The following GAS7 variants were observed in gnomAD, a reference collection of about 807,000 sequenced individuals.
GAS7 encodes the protein growth arrest specific 7.
GAS7 carries 28 observed loss-of-function variants against 71.1 expected under a neutral mutation model. That is an observed-to-expected ratio of 0.39 (90% CI 0.29 to 0.54). The LOEUF is 0.54. GAS7 is among the 20% of genes least tolerant of loss of function. The pLI, the probability that GAS7 is intolerant of heterozygous loss-of-function variation, is 0.62. For synonymous variants in GAS7, 258 were observed against 245.8 expected (o/e 1.05, Z -0.46); for missense variants, 436 against 627.8 (o/e 0.69, Z 3.27).
chr17:10,195,872 C>T (rs570103257), intron 1 of GAS7, among the ~76,000 whole-genome samples: 1 of 152,232 alleles, frequency 6.6e-6, no homozygotes, highest in South Asian at 2.1e-4. Flanking sequence ...ATGCCAAGCA[C>T]CTGACCCACA....
chr17:10,089,215 T>C (rs1171343450), intron 1 of GAS7, among the ~76,000 whole-genome samples: 1 of 151,990 alleles, frequency 6.6e-6, no homozygotes, highest in African/African-American at 2.4e-5. Flanking sequence ...AAAGTTCCCA[T>C]GCACTGTCTT....
intron 1 of GAS7, among the ~76,000 whole-genome samples, chr17:10,084,273 T>C (rs572754187): frequency 6.6e-6 from 1 of 152,154 alleles, no homozygotes; most frequent in Non-Finnish European, 1.5e-5. Flanking sequence ...ACTAAGGTGG[T>C]TTACAATGTT....
At chr17:10,122,042 A>G (rs989249940) in intron 1 of GAS7, among the ~76,000 whole-genome samples, 1 of 152,076 alleles carries the variant, frequency 6.6e-6, no homozygotes, top group Non-Finnish European at 1.5e-5. Flanking sequence ...CAACTTCCAC[A>G]CTCAAACGGC....
chr17:10,143,487 A>G (rs1309725251), intron 1 of GAS7, among the ~76,000 whole-genome samples: 1 of 151,666 alleles, frequency 6.6e-6, no homozygotes, highest in African/African-American at 2.4e-5. Context: ...GGTTGCAGTG[A>G]GCCGAGATCA....
rs543286687 is a variant in GAS7, at chr17:10,130,751, C to G, written c.183+67457G>C. Among the ~76,000 whole-genome samples the G allele has an allele frequency of 6.6e-5, 10 of 152,322 alleles. No homozygotes were observed. In the East Asian group the frequency reaches 1.9e-3, roughly 29 times the overall value. ...TCTGCTAAGTGAAACAAGCCAGACA[C>G]AAAAGGCTGCATATTATATTGTTCT... On this transcript the variant is annotated intron_variant, in intron 1 of 13. Coordinates refer to ENST00000432992, the MANE Select transcript of GAS7 (RefSeq NM_201433.2).
intron 1 of GAS7, among the ~76,000 whole-genome samples, chr17:10,196,358 G>C (rs922284274): frequency 4.6e-5 from 7 of 152,180 alleles, no homozygotes; most frequent in Non-Finnish European, 5.9e-5. Flanking sequence ...AGCTGTCAGG[G>C]AACTGGTGAT....
intron 4 of GAS7, among the ~76,000 whole-genome samples, chr17:9,967,563 T>G (rs567301403): frequency 8.8e-6 from 1 of 113,740 alleles, no homozygotes. Flanking sequence ...TAGATAAGTA[T>G]AGATTTCCTT....
At chr17:10,167,448 G>A (rs999472704) in intron 1 of GAS7, among the ~76,000 whole-genome samples, 2 of 152,114 alleles carry the variant, frequency 1.3e-5, no homozygotes, top group East Asian at 1.9e-4. Context: ...ACCTCACGTG[G>A]GTGTCAAAAA....
chr17:10,116,185 C>T lies in GAS7; in HGVS notation c.183+82023G>A, dbSNP rs2073859729. ...AATTAGCCGAGTGTGGTGGCGTGTG[C>T]CTGTGGTCCCAGCTACTCAGGAGGC... On this transcript the variant is annotated intron_variant, in intron 1 of 13. Transcript: ENST00000432992. Among the ~76,000 whole-genome samples the T allele has an allele frequency of 2.0e-5, 3 of 151,742 alleles. No homozygotes were observed. In the South Asian group the frequency reaches 6.2e-4, roughly 31 times the overall value.
At position 9,998,325 on chromosome 17, in the gene GAS7, G is replaced by C. The variant is rs541910553; in HGVS notation, c.305-16441C>G. On this transcript the variant is annotated intron_variant, in intron 2 of 13. Transcript: ENST00000432992. ...TAAGAACTGCCCAAATCCCAGTTTG[G>C]ATACACATGCTATGGGCGTGACTAC... Among the ~76,000 whole-genome samples, 11 of 152,316 alleles carry C rather than the reference G, an allele frequency of 7.2e-5. No individual in the cohort carries two copies. The South Asian group carries it at 1.7e-3, about 23-fold the overall frequency.
rs1567581736 is a variant in GAS7 at position 10,076,000 on chromosome 17, G to C, written c.184-56103C>G. ...GCCTGTGATCCCAGCTACTTGGGAG[G>C]TTAAGGCATGAGAATCACTTGAACC... On this transcript the variant is annotated intron_variant, in intron 1 of 13. Coordinates refer to ENST00000432992, the MANE Select transcript of GAS7 (RefSeq NM_201433.2). 2.6e-5 allele frequency among the ~76,000 whole-genome samples: 4 copies of C among 150,966 alleles called. No individual in the cohort carries two copies. The South Asian group carries it at 8.4e-4, about 32-fold the overall frequency.
At chr17:10,169,687 T>TGC (rs1459526145) in intron 1 of GAS7, among the ~76,000 whole-genome samples, 1 of 152,120 alleles carries the variant, frequency 6.6e-6, no homozygotes, top group East Asian at 1.9e-4. Context: ...TAATTTGGGG[T>TGC]GCCTCCAGGC....
At chr17:9,954,201 T>C (rs1336906349) in intron 5 of GAS7, among the ~76,000 whole-genome samples, 1 of 152,188 alleles carries the variant, frequency 6.6e-6, no homozygotes, top group Middle Eastern at 3.2e-3. Context: ...TCCCACTGCG[T>C]ACCCCTCAGA....
At chr17:10,163,269 C>T (rs764822697) in intron 1 of GAS7, among the ~76,000 whole-genome samples, 10 of 152,020 alleles carry the variant, frequency 6.6e-5, no homozygotes, top group African/African-American at 9.7e-5. Flanking sequence ...CGCCAACACG[C>T]CCGCTAATTT....
intron 1 of GAS7, among the ~76,000 whole-genome samples, chr17:10,191,648 G>A (rs917304075): frequency 2.0e-5 from 3 of 151,156 alleles, no homozygotes; most frequent in Non-Finnish European, 4.4e-5. Flanking sequence ...AGGCTGAGGC[G>A]GGTGAATCAC....
chr17:10,170,440 C>T (rs932289359), intron 1 of GAS7, among the ~76,000 whole-genome samples: 1 of 152,138 alleles, frequency 6.6e-6, no homozygotes, highest in Non-Finnish European at 1.5e-5. Context: ...AATGCTCTGG[C>T]CTCAGGGCCT....
chr17:10,150,502 T>C (rs1445973831), intron 1 of GAS7, among the ~76,000 whole-genome samples: 4 of 151,892 alleles, frequency 2.6e-5, no homozygotes, highest in Non-Finnish European at 5.9e-5. Context: ...ATGTAACTTT[T>C]CTCCTTGCCT....
chr17:10,130,331 A>T (rs1197682523), intron 1 of GAS7, among the ~76,000 whole-genome samples: 39 of 67,700 alleles, frequency 5.8e-4, no homozygotes, highest in Non-Finnish European at 1.0e-3. Context: ...CTATGATTTA[A>T]AAAAAAAAAA....
chr17:10,009,266 A>G (rs1184398752), intron 2 of GAS7, among the ~76,000 whole-genome samples: 1 of 142,282 alleles, frequency 7.0e-6, no homozygotes, highest in Non-Finnish European at 1.5e-5. Context: ...GCTTGCAGTG[A>G]GCCGAGATCC....
Sources: allele counts gnomAD v4.1 joint callset (sites outside exome capture counted in the v4.1 genomes callset), GRCh38; gene constraint gnomAD v4.1.1; transcripts MANE v1.5; gene names NCBI Gene and HGNC (gene_info 2026-07-23, HGNC 2026-07-21).